RDH10: variants seen among roughly 807,000 people sequenced by gnomAD.
The protein encoded by RDH10 is retinol dehydrogenase 10 (all-trans).
Under a neutral mutation model 30.2 loss-of-function variants are expected in RDH10, and 12 were observed. That is an observed-to-expected ratio of 0.40 (90% CI 0.25 to 0.64). The LOEUF (loss-of-function observed/expected upper bound fraction) is 0.64. Ranked by LOEUF, RDH10 falls within the 30% of genes least tolerant of loss-of-function variation. RDH10 has a pLI of 0.43. For synonymous variants in RDH10, 189 were observed against 172.2 expected (o/e 1.10, Z -0.76); for missense variants, 268 against 445.2 (o/e 0.60, Z 3.58).
intron 2 of RDH10, among the ~76,000 whole-genome samples, chr8:73,314,842 T>C (rs1814631472): frequency 1.3e-5 from 2 of 152,066 alleles, no homozygotes; most frequent in African/African-American, 4.8e-5. Flanking sequence ...ATGTGGAAAA[T>C]GCAAAGATAC....
At chr8:73,304,544 T>C (rs371531902) in intron 2 of RDH10, among the ~76,000 whole-genome samples, 1 of 152,196 alleles carries the variant, frequency 6.6e-6, no homozygotes, top group Non-Finnish European at 1.5e-5. Context: ...AAGTCCAGGC[T>C]CATTAGCATG....
At chr8:73,295,609 G>A (rs1451717281) in intron 1 of RDH10, 31 bp downstream of exon 1, 31 of 1,453,644 alleles carry the variant, frequency 2.1e-5, no homozygotes, top group African/African-American at 4.4e-5. Flanking sequence ...AGCATTGTTG[G>A]GTCAAGCCTC....
chr8:73,310,972 G>A (rs1299630943), intron 2 of RDH10: 1 of 152,092 alleles, frequency 6.6e-6, no homozygotes. Flanking sequence ...AGGCACAGCC[G>A]TGACATCATA....
At chr8:73,302,238 A>T (rs961475471) in intron 2 of RDH10, among the ~76,000 whole-genome samples, 3 of 152,144 alleles carry the variant, frequency 2.0e-5, no homozygotes, top group Non-Finnish European at 2.9e-5. Context: ...AGACTTAGTG[A>T]TAGATTTGGG....
intron 1 of RDH10, chr8:73,295,842 C>A: frequency 2.4e-6 from 3 of 1,262,720 alleles, no homozygotes; most frequent in Non-Finnish European, 3.0e-6. Flanking sequence ...GTTTCCTAAG[C>A]CCTCCGGGGT....
chr8:73,318,496 T>A (rs1180632283), intron 2 of RDH10, among the ~76,000 whole-genome samples: 2 of 152,194 alleles, frequency 1.3e-5, no homozygotes, highest in Non-Finnish European at 2.9e-5. Context: ...TAGTTGGCAT[T>A]ATGATATGTT....
rs955124085 is a variant in RDH10, at chr8:73,294,695, G to C, written c.-595G>C. On this transcript the variant is annotated 5_prime_UTR_variant, in exon 1 of 6. Transcript: ENST00000240285. ...CGCGGAGAGTGCAGGGCCGGGGAAC[G>C]CGAGCCCTCGGGGGCAGCTGCAAGG... 2.7e-6 allele frequency: 1 copy of C among 366,552 alleles called. No homozygotes were observed. Among genetic ancestry groups the C allele is most frequent in the Non-Finnish European group, 4.9e-6 (1 of 205,940 alleles). 22.7% of individuals were successfully genotyped at this position (366,552 alleles called of 1,614,324 possible). A position where few individuals can be genotyped will look rare whatever the true frequency, so the allele number is the denominator to read the frequency against.
rs776188694 is a variant in RDH10, at chr8:73,297,448, G to C, written c.525+19G>C. 4 of 1,555,742 alleles carry C rather than the reference G, an allele frequency of 2.6e-6. No homozygotes were observed. Among genetic ancestry groups the C allele is most frequent in the South Asian group, 1.1e-5 (1 of 89,764 alleles). On this transcript the variant is annotated intron_variant, in intron 2 of 5. Coordinates refer to ENST00000240285, the MANE Select transcript of RDH10 (RefSeq NM_172037.5). ...CTTCTGGGTAAATATAAACATCCTT[G>C]TTTTCTTTGCTGGGCCCTCCTTAAT...
intron 2 of RDH10, among the ~76,000 whole-genome samples, chr8:73,314,596 G>A (rs1403549781): frequency 6.6e-6 from 1 of 152,168 alleles, no homozygotes; most frequent in Non-Finnish European, 1.5e-5. Context: ...CCTACCCCAA[G>A]CCTGCCTTTG....
At chr8:73,299,560 A>G (rs1279744060) in intron 2 of RDH10, among the ~76,000 whole-genome samples, 1 of 152,244 alleles carries the variant, frequency 6.6e-6, no homozygotes, top group Non-Finnish European at 1.5e-5. Flanking sequence ...CAGCACTATC[A>G]GTAGGTTCAT....
At position 73,295,043 on chromosome 8, in the gene RDH10, A is replaced by T. The variant is rs985638120; in HGVS notation, c.-247A>T. On this transcript the variant is annotated 5_prime_UTR_variant, in exon 1 of 6. Coordinates refer to ENST00000240285, the MANE Select transcript of RDH10 (RefSeq NM_172037.5). ...GGGCGGCTGCCGGCAGGAGGCGCCG[A>T]GCCGGGTGACTGCCGCGGCGGGCAC... 2 of 343,436 alleles carry T rather than the reference A, an allele frequency of 5.8e-6. No homozygotes were observed. The highest frequency in any genetic ancestry group is 4.3e-5 in the African/African-American group (2 of 46,204). The allele number at this position is 343,436 out of a possible 1,614,324, so 21.3% of individuals were successfully genotyped here.
intron 2 of RDH10, among the ~76,000 whole-genome samples, chr8:73,307,370 T>G (rs1190533790): frequency 6.6e-6 from 1 of 152,154 alleles, no homozygotes; most frequent in Admixed American, 6.5e-5. Context: ...CTAGGAGCCA[T>G]ACATAGTAAG....
chr8:73,315,125 CT>C, intron 2 of RDH10, among the ~76,000 whole-genome samples: 1 of 151,128 alleles, frequency 6.6e-6, no homozygotes, highest in Non-Finnish European at 1.5e-5. Context: ...TTCTCTCTCC[CT>C]TCCTCTCCCC....
At chr8:73,309,166 C>T (rs992422787) in intron 2 of RDH10, among the ~76,000 whole-genome samples, 2 of 152,120 alleles carry the variant, frequency 1.3e-5, no homozygotes. Context: ...GGGGCCCACT[C>T]TGATCTAGGT....
intron 3 of RDH10, among the ~76,000 whole-genome samples, chr8:73,319,605 G>A (rs1388153924): frequency 2.0e-5 from 3 of 152,210 alleles, no homozygotes; most frequent in South Asian, 2.1e-4. Flanking sequence ...AAGCAGCAGC[G>A]ACAAGAAAAG....
At chr8:73,307,279 A>G (rs1814480459) in intron 2 of RDH10, among the ~76,000 whole-genome samples, 1 of 152,330 alleles carries the variant, frequency 6.6e-6, no homozygotes, top group South Asian at 2.1e-4. Context: ...GCAACTGCTT[A>G]GCAGTGTTTT....
Position 73,297,363 on chromosome 8 carries a change from C to T in RDH10, c.459C>T (p.His153=). The change falls in exon 2 of 6, where the codon CAC becomes CAT. Residue 153 remains histidine, a synonymous_variant. Transcript: ENST00000240285. ...VNNAGVVSGH[H]LLECPDELIE... is the part of the protein sequence containing the mutation. ...ATGCTGGTGTGGTCTCTGGGCATCA[C>T]CTTCTGGAATGTCCTGATGAGCTCA... 3 of 1,614,134 alleles carry T rather than the reference C, an allele frequency of 1.9e-6. No homozygotes were observed. The highest frequency in any genetic ancestry group is 2.5e-6 in the Non-Finnish European group (3 of 1,179,980).
chr8:73,322,603 T>C lies in RDH10; in HGVS notation c.771-76T>C. On this transcript the variant is annotated intron_variant, in intron 4 of 5. Transcript: ENST00000240285. ...CCCATCACTCAGATAACATCACTGT[T>C]AATGTTTTGATATGTATTTCCAGTC... The C allele has an allele frequency of 3.3e-6, 4 of 1,198,586 alleles. No homozygotes were observed. In the South Asian group the frequency reaches 5.6e-5, roughly 17 times the overall value. 74.2% of individuals were successfully genotyped at this position (1,198,586 alleles called of 1,614,324 possible). A position where few individuals can be genotyped will look rare whatever the true frequency, so the allele number is the denominator to read the frequency against.
At chr8:73,321,125 A>G in intron 4 of RDH10, 48 bp downstream of exon 4, 2 of 1,486,476 alleles carry the variant, frequency 1.3e-6, no homozygotes, top group Non-Finnish European at 1.9e-6. Flanking sequence ...ATGTTGGGAG[A>G]ATATGTGGAA....
Sources: gnomAD v4.1 joint callset for allele counts (sites outside exome capture counted in the v4.1 genomes callset) on GRCh38, gnomAD v4.1.1 for gene constraint, MANE v1.5 for transcripts, NCBI Gene and HGNC (gene_info 2026-07-23, HGNC 2026-07-21) for gene names.